The following RC3H1 variants were observed in gnomAD, a reference collection of about 807,000 sequenced individuals.
RC3H1 encodes the protein ring finger and CCCH-type domains 1.
In RC3H1, 50 loss-of-function variants were observed where a neutral mutation model predicts 138.2. The observed-to-expected ratio is 0.36, with a 90% CI of 0.29 to 0.46. The LOEUF is 0.46. RC3H1 is among the 20% of genes least tolerant of loss of function. The probability of loss-of-function intolerance (pLI) is 1.00; values close to 1 mark genes in which losing one functional copy is unlikely to be tolerated. For synonymous variants in RC3H1, 462 were observed against 489.1 expected (o/e 0.94, Z 0.73); for missense variants, 1,031 against 1,388.1 (o/e 0.74, Z 4.09).
Position 173,965,060 on chromosome 1 carries a change from T to C in RC3H1, c.1395A>G (p.Gln465=), listed in dbSNP as rs1217238654. 5.6e-6 allele frequency: 9 copies of C among 1,614,112 alleles called. No individual in the cohort carries two copies. The highest frequency in any genetic ancestry group is 2.7e-5 in the African/African-American group (2 of 74,940). Residue 465 remains glutamine, a synonymous_variant, in exon 10 of 20, where the codon CAA becomes CAG. Coordinates refer to ENST00000367696, the MANE Select transcript of RC3H1 (RefSeq NM_172071.4). ...PRRPLSASLG[Q]LNEVGLPSAA... ...CTGAAGGCAGGCCCACCTCATTAAG[T>C]TGACCCAAAGAGGCACTCAAGGGTC...
intron 1 of RC3H1, among the ~76,000 whole-genome samples, chr1:174,008,139 T>TCAGG (rs1661686025): frequency 6.6e-6 from 1 of 152,248 alleles, no homozygotes; most frequent in Non-Finnish European, 1.5e-5. Context: ...TCTAGAAACA[T>TCAGG]GTAGATGTAT....
chr1:174,010,302 T>C (rs1295567445), intron 1 of RC3H1, among the ~76,000 whole-genome samples: 1 of 152,176 alleles, frequency 6.6e-6, no homozygotes, highest in African/African-American at 2.4e-5. Flanking sequence ...AAACTACTTA[T>C]TGAGCATCTA....
intron 1 of RC3H1, among the ~76,000 whole-genome samples, chr1:174,007,608 C>A (rs1054707305): frequency 6.6e-6 from 1 of 151,926 alleles, no homozygotes; most frequent in Non-Finnish European, 1.5e-5. Context: ...GGACTATGAG[C>A]ATGGGCCACC....
rs561265024 is a variant in RC3H1 at position 174,022,214 on chromosome 1, G to T, written c.-269C>A. 4 of 393,394 alleles carry T rather than the reference G, an allele frequency of 1.0e-5. No individual in the cohort carries two copies. The highest frequency in any genetic ancestry group is 9.0e-6 in the Non-Finnish European group (2 of 223,284). The allele number at this position is 393,394 out of a possible 1,614,324, so 24.4% of individuals were successfully genotyped here. On this transcript the variant is annotated 5_prime_UTR_variant, in exon 1 of 20. Coordinates refer to ENST00000367696, the MANE Select transcript of RC3H1 (RefSeq NM_172071.4). This position sits in a 1 kb window ranked among gnomAD's most constrained non-coding sequence, Gnocchi z 4.2. ...GACTCTGATTCTGTCCCAGGCCGCC[G>T]GGCCACGGCTGCCGCCGCCACCGCC...
rs561768053 is a variant in RC3H1, at chr1:174,016,471, C to T, written c.-151+5625G>A. On this transcript the variant is annotated intron_variant, in intron 1 of 19. Coordinates refer to ENST00000367696, the MANE Select transcript of RC3H1 (RefSeq NM_172071.4). ...GTGGGGTTTCACTCTATTGCCCAGG[C>T]TGGTCTGGAACTCCTGGCTTCATGA... Among the ~76,000 whole-genome samples, 16 of 133,820 alleles carry T rather than the reference C, an allele frequency of 1.2e-4. No individual in the cohort carries two copies. The South Asian group carries it at 3.7e-3, about 31-fold the overall frequency. 87.8% of individuals were successfully genotyped at this position (133,820 alleles called of 152,430 possible). A position where few individuals can be genotyped will look rare whatever the true frequency, so the allele number is the denominator to read the frequency against.
At position 173,961,886 on chromosome 1, in the gene RC3H1, A is replaced by C; in HGVS notation, c.2041T>G (p.Tyr681Asp). The C allele has an allele frequency of 6.2e-7, 1 of 1,614,134 alleles. No individual in the cohort carries two copies. Among genetic ancestry groups the C allele is most frequent in the Non-Finnish European group, 8.5e-7 (1 of 1,180,026 alleles). ...TCTCGGAATATCTCTTCTCTTGTGT[A>C]AGACGGAGCAGGGTACACTCGACGG... ...DGRRVYPAPSYTREEIFRESP... is the reference protein window; with the variant it reads ...DGRRVYPAPSDTREEIFRESP... Residue 681 changes from tyrosine (Y) to aspartate (D), a missense_variant, in exon 12 of 20, where the codon TAC becomes GAC. Tyr to Asp is a radical substitution (Grantham distance 160). Transcript: ENST00000367696.
chr1:173,946,830 C>T lies in RC3H1; in HGVS notation c.2744G>A (p.Ser915Asn), dbSNP rs1336668644. The T allele has an allele frequency of 1.3e-6, 2 of 1,591,508 alleles. No individual in the cohort carries two copies. The highest frequency in any genetic ancestry group is 1.1e-5 in the South Asian group (1 of 90,590). The change falls in exon 16 of 20, where the codon AGT becomes AAT. Residue 915 changes from serine (S) to asparagine (N), a missense_variant. Ser to Asn is a conservative substitution (Grantham distance 46, BLOSUM62 1). Coordinates refer to ENST00000367696, the MANE Select transcript of RC3H1 (RefSeq NM_172071.4). Reference sequence around the variant, plus strand: ...CCAGCCACCGTGGGTTCCATATGGACTATAATCTGTAAGAGAATGATTTAT... The same window carrying T: ...CCAGCCACCGTGGGTTCCATATGGATTATAATCTGTAAGAGAATGATTTAT... Reference protein sequence around the residue: ...PTKSINISDYSPYGTHGGWGA... With the variant: ...PTKSINISDYNPYGTHGGWGA...
intron 2 of RC3H1, among the ~76,000 whole-genome samples, chr1:173,986,658 G>C (rs778358765): frequency 2.6e-5 from 4 of 152,066 alleles, no homozygotes; most frequent in Non-Finnish European, 5.9e-5. Flanking sequence ...CACCTCCCAG[G>C]TTCAAGAGAT....
chr1:173,999,961 T>C (rs991777223), intron 1 of RC3H1, among the ~76,000 whole-genome samples: 3 of 152,216 alleles, frequency 2.0e-5, no homozygotes, highest in African/African-American at 7.2e-5. Context: ...TTTGAAACTC[T>C]ATAATTTGTG....
chr1:174,017,810 A>AAAAC (rs1661889930), intron 1 of RC3H1, among the ~76,000 whole-genome samples: 1 of 146,126 alleles, frequency 6.8e-6, no homozygotes, highest in African/African-American at 2.5e-5. Context: ...AAAAAAAAAA[A>AAAAC]CTGCTACCAT....
chr1:174,019,426 TATTA>T (rs1435059140), intron 1 of RC3H1, among the ~76,000 whole-genome samples: 3 of 152,192 alleles, frequency 2.0e-5, no homozygotes, highest in Admixed American at 6.5e-5. Context: ...CTCTTTTACC[TATTA>T]ATTATGTGAT....
intron 1 of RC3H1, among the ~76,000 whole-genome samples, chr1:173,994,119 C>T (rs1440104949): frequency 1.3e-5 from 2 of 148,934 alleles, no homozygotes; most frequent in African/African-American, 2.5e-5. Context: ...CAGCCAGGCG[C>T]GGTGTCTCAG....
intron 1 of RC3H1, among the ~76,000 whole-genome samples, chr1:174,016,893 C>A (rs1661872254): frequency 6.6e-6 from 1 of 151,806 alleles, no homozygotes; most frequent in African/African-American, 2.4e-5. Context: ...CTCAGTCAGC[C>A]AATTAAAACA....
chr1:173,981,992 A>G (rs1660840698), intron 5 of RC3H1, among the ~76,000 whole-genome samples: 1 of 152,216 alleles, frequency 6.6e-6, no homozygotes, highest in African/African-American at 2.4e-5. Context: ...AATTTGGGAT[A>G]AGAGACTATG....
chr1:173,968,536 T>A (rs1053613302), intron 9 of RC3H1, among the ~76,000 whole-genome samples: 1 of 152,178 alleles, frequency 6.6e-6, no homozygotes, highest in Non-Finnish European at 1.5e-5. Flanking sequence ...GCAATTCATG[T>A]TTGTGATTTT....
intron 14 of RC3H1, among the ~76,000 whole-genome samples, chr1:173,950,928 C>CA (rs1268168715): frequency 6.6e-6 from 1 of 151,910 alleles, no homozygotes; most frequent in East Asian, 1.9e-4. Flanking sequence ...CTTAGGTACT[C>CA]AGGAGGATCA....
In RC3H1 at chr1:173,952,083, T is replaced by C; in HGVS notation, c.2426A>G (p.Gln809Arg). 1 of 1,606,134 alleles carries C rather than the reference T, an allele frequency of 6.2e-7. No homozygotes were observed. Among genetic ancestry groups the C allele is most frequent in the East Asian group, 2.2e-5 (1 of 44,604 alleles). Residue 809 changes from glutamine (Q) to arginine (R), a missense_variant, in exon 14 of 20, where the codon CAA (glutamine) becomes CGA (arginine). Transcript: ENST00000367696. Reference sequence around the variant, plus strand: ...GGTGTCACATGACCAGGGAGAGTATTGGCTATAATCATTTCCTTTGTATTT... The same window carrying C: ...GGTGTCACATGACCAGGGAGAGTATCGGCTATAATCATTTCCTTTGTATTT... ...AGKYKGNDYS[Q>R]YSPWSCDTIG...
Position 174,015,061 on chromosome 1 carries a change from C to G in RC3H1, c.-151+7035G>C, listed in dbSNP as rs1223887687. Among the ~76,000 whole-genome samples, 3 of 152,138 alleles carry G rather than the reference C, an allele frequency of 2.0e-5. No homozygotes were observed. The East Asian group carries it at 5.8e-4, about 29-fold the overall frequency. ...TCAGGCTAATGTGACTTTTTTCCTG[C>G]CACCCAGCTGGCCCTCCATCCTACC... On this transcript the variant is annotated intron_variant, in intron 1 of 19. Coordinates refer to ENST00000367696, the MANE Select transcript of RC3H1 (RefSeq NM_172071.4).
chr1:173,955,191 A>T (rs957608519), intron 13 of RC3H1, among the ~76,000 whole-genome samples: 1 of 135,514 alleles, frequency 7.4e-6, no homozygotes, highest in African/African-American at 2.8e-5. Flanking sequence ...ACGCCATTGC[A>T]CTCCAGCCCA....
Sources: gnomAD v4.1 joint callset for allele counts (sites outside exome capture counted in the v4.1 genomes callset) on GRCh38, gnomAD v4.1.1 for gene constraint, Gnocchi (gnomAD v3.1) non-coding constraint, MANE v1.5 for transcripts, NCBI Gene and HGNC (gene_info 2026-07-23, HGNC 2026-07-21) for gene names.